ASIC2: variants seen among roughly 807,000 people sequenced by gnomAD.
The protein encoded by ASIC2 is acid sensing ion channel subunit 2.
Under a neutral mutation model 57.3 loss-of-function variants are expected in ASIC2, and 25 were observed. The ratio of observed to expected loss-of-function variants is 0.44; its 90% CI spans 0.32 to 0.61. The LOEUF (loss-of-function observed/expected upper bound fraction) is 0.61, where lower values mean the gene tolerates loss of function less well. Ranked by LOEUF, ASIC2 falls within the 20% of genes least tolerant of loss-of-function variation. ASIC2 has a pLI of 0.06. For missense variants in ASIC2, 641 were observed against 738.1 expected (o/e 0.87, Z 1.52); for synonymous variants, 319 against 307.5 (o/e 1.04, Z -0.39).
intron 1 of ASIC2, among the ~76,000 whole-genome samples, chr17:33,480,894 A>G (rs1224043350): frequency 6.6e-6 from 1 of 151,918 alleles, no homozygotes; most frequent in East Asian, 1.9e-4. Context: ...CACTGCAACC[A>G]TACTTCCTTT....
intron 1 of ASIC2, among the ~76,000 whole-genome samples, chr17:33,891,659 A>G (rs540640290): frequency 6.6e-6 from 1 of 152,300 alleles, no homozygotes; most frequent in South Asian, 2.1e-4. Flanking sequence ...GGCTGTTAGG[A>G]AGCCCAGAGC....
intron 1 of ASIC2, among the ~76,000 whole-genome samples, chr17:33,654,139 T>C (rs1362542503): frequency 6.6e-6 from 1 of 152,192 alleles, no homozygotes; most frequent in African/African-American, 2.4e-5. Context: ...AATGATAAAG[T>C]AAGGTGCTGT....
At chr17:34,038,241 C>T in intron 1 of ASIC2, 1 of 1,611,126 alleles carries the variant, frequency 6.2e-7, no homozygotes, top group African/African-American at 1.3e-5. Context: ...ATGGACCGGG[C>T]CTCTTTCTCT....
chr17:33,655,113 TC>T (rs1907037798), intron 1 of ASIC2, among the ~76,000 whole-genome samples: 1 of 152,194 alleles, frequency 6.6e-6, no homozygotes, highest in African/African-American at 2.4e-5. Flanking sequence ...AGAATAGTTT[TC>T]TGGCTCCTTA....
At chr17:33,771,340 G>C (rs538725721) in intron 1 of ASIC2, among the ~76,000 whole-genome samples, 53 of 152,304 alleles carry the variant, frequency 3.5e-4, no homozygotes, top group Admixed American at 2.7e-3. Context: ...AATCTGATCT[G>C]TGTGGCACAT....
chr17:33,374,226 C>A (rs1052958942), intron 1 of ASIC2, among the ~76,000 whole-genome samples: 2 of 152,070 alleles, frequency 1.3e-5, no homozygotes, highest in Non-Finnish European at 2.9e-5. Context: ...GAACTCCTGA[C>A]CTCAGGTGAT....
chr17:33,239,398 T>G (rs1297572881), intron 1 of ASIC2, among the ~76,000 whole-genome samples: 1 of 152,222 alleles, frequency 6.6e-6, no homozygotes, highest in Admixed American at 6.5e-5. Context: ...GCGTTTGTTT[T>G]CTACATAACA....
chr17:33,535,269 C>G (rs751317435), intron 1 of ASIC2, among the ~76,000 whole-genome samples: 3 of 150,492 alleles, frequency 2.0e-5, no homozygotes, highest in Non-Finnish European at 1.5e-5. Flanking sequence ...ATAAAAATGT[C>G]GCTTCTTTTT....
intron 1 of ASIC2, among the ~76,000 whole-genome samples, chr17:33,440,095 C>T (rs1270938293): frequency 6.6e-6 from 1 of 152,184 alleles, no homozygotes; most frequent in Non-Finnish European, 1.5e-5. Flanking sequence ...CATAATCCAG[C>T]CTTAGAACAT....
At chr17:33,725,626 C>T (rs952923084) in intron 1 of ASIC2, among the ~76,000 whole-genome samples, 1 of 151,994 alleles carries the variant, frequency 6.6e-6, no homozygotes, top group Non-Finnish European at 1.5e-5. Flanking sequence ...TGGGCTATTG[C>T]AAACACTTAT....
At chr17:33,467,816 A>C (rs1225948502) in intron 1 of ASIC2, among the ~76,000 whole-genome samples, 1 of 152,220 alleles carries the variant, frequency 6.6e-6, no homozygotes, top group Non-Finnish European at 1.5e-5. Flanking sequence ...CACATCTTAC[A>C]TATATTGACT....
chr17:33,836,533 A>G (rs1361954557), intron 1 of ASIC2, among the ~76,000 whole-genome samples: 3 of 152,084 alleles, frequency 2.0e-5, no homozygotes, highest in African/African-American at 7.2e-5. Flanking sequence ...CCCATTTTAT[A>G]GATAAGGAAA....
At chr17:33,680,553 G>A (rs1454339929) in intron 1 of ASIC2, 1 of 152,250 alleles carries the variant, frequency 6.6e-6, no homozygotes. Context: ...GCCTGTACTA[G>A]AGGAAGTTTC....
At chr17:33,492,331 T>C (rs1567629433) in intron 1 of ASIC2, among the ~76,000 whole-genome samples, 1 of 152,228 alleles carries the variant, frequency 6.6e-6, no homozygotes, top group Non-Finnish European at 1.5e-5. Context: ...ACTCACAAGT[T>C]GTGGTGCCTT....
chr17:33,986,572 T>G lies in ASIC2; in HGVS notation c.555+169406A>C, dbSNP rs574601093. On this transcript the variant is annotated intron_variant, in intron 1 of 9. Coordinates refer to the ASIC2 transcript ENST00000359872. ...AATTCCATAAGTTTATTACCCACAG[T>G]ATAAATTTATCTTTAATTCTGCAAG... Among the ~76,000 whole-genome samples, 4 of 152,250 alleles carry G rather than the reference T, an allele frequency of 2.6e-5. No homozygotes were observed. The East Asian group carries it at 7.7e-4, about 29-fold the overall frequency.
At chr17:33,850,038 G>A (rs1032412043) in intron 1 of ASIC2, among the ~76,000 whole-genome samples, 22 of 152,298 alleles carry the variant, frequency 1.4e-4, no homozygotes, top group Admixed American at 9.8e-4. Flanking sequence ...TTAAGAGGGG[G>A]AAACACATCC....
intron 1 of ASIC2, among the ~76,000 whole-genome samples, chr17:33,937,824 A>C (rs1916101361): frequency 6.6e-6 from 1 of 152,146 alleles, no homozygotes. Flanking sequence ...GCTTTTAGAA[A>C]ATTTTTTTTT....
chr17:33,365,383 G>GT (rs5820036), intron 1 of ASIC2, among the ~76,000 whole-genome samples: 27,384 of 149,282 alleles, frequency 0.18, 2,871 homozygotes, highest in East Asian at 0.42. Flanking sequence ...ACTGGGTCTT[G>GT]TTTTTTTTTT....
intron 1 of ASIC2, among the ~76,000 whole-genome samples, chr17:33,684,742 ATTT>A (rs869203156): frequency 6.6e-6 from 1 of 151,950 alleles, no homozygotes; most frequent in African/African-American, 2.4e-5. Flanking sequence ...AAAGGAAAAA[ATTT>A]TTTTAATTGA....
Sources: gnomAD v4.1 joint callset for allele counts (sites outside exome capture counted in the v4.1 genomes callset) on GRCh38, gnomAD v4.1.1 for gene constraint, MANE v1.5 for transcripts, NCBI Gene and HGNC (gene_info 2026-07-23, HGNC 2026-07-21) for gene names.